The following ADGRE1 variants were observed in gnomAD, a reference collection of about 807,000 sequenced individuals.
ADGRE1 encodes adhesion G protein-coupled receptor E1.
In ADGRE1, 82 loss-of-function variants were observed where a neutral mutation model predicts 102.7. That is an observed-to-expected ratio of 0.80 (90% confidence interval 0.67 to 0.96). ADGRE1 has a LOEUF of 0.96. ADGRE1 is among the 40% of genes least tolerant of loss of function. ADGRE1 has a pLI of 0.00. For synonymous variants in ADGRE1, 398 were observed against 399.6 expected, an observed-to-expected ratio of 1.00 and a Z score of 0.05; for missense variants, 1,032 against 1,085.3, an observed-to-expected ratio of 0.95 and a Z score of 0.69.
At chr19:6,932,411 T>C (rs1381410191) in intron 17 of ADGRE1, among the ~76,000 whole-genome samples, 1 of 152,056 alleles carries the variant, frequency 6.6e-6, no homozygotes, top group Non-Finnish European at 1.5e-5. Context: ...GAGCTTGCAG[T>C]GAGCCGAGAT....
rs1974059848 is a variant in ADGRE1, at chr19:6,908,674, T to TC, written c.1039-15_1039-14insC. The TC allele has an allele frequency of 6.3e-7, 1 of 1,580,732 alleles. No homozygotes were observed. The highest frequency in any genetic ancestry group is 1.4e-5 in the African/African-American group (1 of 72,394). Reference sequence around the variant, plus strand: ...ATGCTCACAAATGCTCTTTTTTTTTTTTTCTGGGACGCAGGTCTCCTTTTG... The same window carrying TC: ...ATGCTCACAAATGCTCTTTTTTTTTTCTTTCTGGGACGCAGGTCTCCTTTTG... On this transcript the variant is annotated splice_polypyrimidine_tract_variant and intron_variant, in intron 9 of 20. Transcript: ENST00000312053.
chr19:6,897,334 C>T, intron 4 of ADGRE1, 30 bp downstream of exon 4: 1 of 1,613,184 alleles, frequency 6.2e-7, no homozygotes, highest in South Asian at 1.1e-5. Flanking sequence ...AGGGATGGGT[C>T]TTGGGTGGAT....
At chr19:6,934,702 AT>A (rs1476574097) in intron 17 of ADGRE1, among the ~76,000 whole-genome samples, 1 of 150,284 alleles carries the variant, frequency 6.7e-6, no homozygotes, top group African/African-American at 2.5e-5. Flanking sequence ...GGTTCAGGTG[AT>A]TCCCCTGCCT....
chr19:6,938,813 T>C (rs941359782), intron 20 of ADGRE1, among the ~76,000 whole-genome samples: 1 of 150,584 alleles, frequency 6.6e-6, no homozygotes, highest in Non-Finnish European at 1.5e-5. Flanking sequence ...TTTTTTTTTT[T>C]GAGATGGAGT....
intron 12 of ADGRE1, 124 bp downstream of exon 12, chr19:6,916,492 A>G (rs1443487521): frequency 1.6e-6 from 2 of 1,277,636 alleles, no homozygotes; most frequent in Admixed American, 5.3e-5. Context: ...GAAATGGTCC[A>G]TGCTCTCAGA....
Position 6,926,472 on chromosome 19 carries a change from A to C in ADGRE1, c.2093A>C (p.Lys698Thr), listed in dbSNP as rs1293699677. The C allele has an allele frequency of 6.2e-7, 1 of 1,614,192 alleles. No homozygotes were observed. Among genetic ancestry groups the C allele is most frequent in the Non-Finnish European group, 8.5e-7 (1 of 1,180,034 alleles). ...CTGTTCTTGATGGTCAGAAACCTGA[A>C]GGTGGTGAATTACTTCAGCTCTCGC... ...VILFLMVRNL[K>T]VVNYFSSRNI... Residue 698 changes from lysine to threonine, a missense_variant, in exon 16 of 21, where the codon AAG becomes ACG. Lys to Thr is a moderately conservative substitution (Grantham distance 78). Coordinates refer to ENST00000312053, the MANE Select transcript of ADGRE1 (RefSeq NM_001974.5).
intron 12 of ADGRE1, among the ~76,000 whole-genome samples, chr19:6,916,639 A>T (rs1396159453): frequency 6.6e-6 from 1 of 152,150 alleles, no homozygotes; most frequent in East Asian, 1.9e-4. Flanking sequence ...AGCCAGGTTG[A>T]GAGGTACTGT....
intron 10 of ADGRE1, among the ~76,000 whole-genome samples, 195 bp downstream of exon 10, chr19:6,908,967 C>A (rs570228570): frequency 1.3e-4 from 20 of 151,928 alleles, no homozygotes; most frequent in African/African-American, 4.8e-4. Flanking sequence ...AACCCTGTCT[C>A]TACTACAAAT....
chr19:6,898,549 A>C (rs1176366281), intron 5 of ADGRE1: 1 of 1,521,336 alleles, frequency 6.6e-7, no homozygotes, highest in Non-Finnish European at 9.1e-7. Context: ...GAGGCACCCA[A>C]TTTCTTATCT....
intron 12 of ADGRE1, among the ~76,000 whole-genome samples, chr19:6,916,720 T>A (rs983257630): frequency 6.6e-6 from 1 of 151,726 alleles, no homozygotes; most frequent in Non-Finnish European, 1.5e-5. Context: ...CTCACTCATC[T>A]TTTTTATATT....
chr19:6,908,221 T>G (rs1360631743), intron 9 of ADGRE1, among the ~76,000 whole-genome samples: 2 of 152,268 alleles, frequency 1.3e-5, no homozygotes, highest in Non-Finnish European at 2.9e-5. Flanking sequence ...GGCCCATCCC[T>G]TCGTTTCCCA....
At chr19:6,925,579 TGTC>T (rs1301094159) in intron 15 of ADGRE1, among the ~76,000 whole-genome samples, 14 of 152,226 alleles carry the variant, frequency 9.2e-5, no homozygotes, top group Admixed American at 3.9e-4. Context: ...CTAAGTATCT[TGTC>T]GTGCCCAAGG....
At chr19:6,893,826 G>A (rs1174876792) in intron 2 of ADGRE1, among the ~76,000 whole-genome samples, 5 of 152,218 alleles carry the variant, frequency 3.3e-5, no homozygotes, top group Admixed American at 1.3e-4. Flanking sequence ...TCAGAAGTCT[G>A]AAATGGGTCC....
intron 16 of ADGRE1, 46 bp downstream of exon 16, chr19:6,926,647 T>G: frequency 6.3e-7 from 1 of 1,583,914 alleles, no homozygotes; most frequent in South Asian, 1.1e-5. Flanking sequence ...TGCCAGGGCT[T>G]ATGGTGATAA....
intron 20 of ADGRE1, among the ~76,000 whole-genome samples, chr19:6,937,944 C>T (rs1249600352): frequency 6.6e-6 from 1 of 151,406 alleles, no homozygotes; most frequent in Non-Finnish European, 1.5e-5. Context: ...AAAAATAATA[C>T]ATATTTATAT....
intron 2 of ADGRE1, chr19:6,895,892 C>T (rs960936113): frequency 2.0e-5 from 3 of 152,552 alleles, no homozygotes; most frequent in African/African-American, 7.2e-5. Flanking sequence ...GTATCCGTTT[C>T]CTAGGGCTGC....
chr19:6,906,571 T>A, intron 9 of ADGRE1, 50 bp downstream of exon 9: 1 of 1,537,606 alleles, frequency 6.5e-7, no homozygotes, highest in Non-Finnish European at 8.9e-7. Context: ...TAGAAGCCAT[T>A]TAGGTAGAAT....
chr19:6,890,427 T>C, intron 1 of ADGRE1, 54 bp from the exon 2 acceptor site: 5 of 1,153,686 alleles, frequency 4.3e-6, no homozygotes, highest in Non-Finnish European at 5.9e-6. Context: ...AAAGGTTTTT[T>C]TTTTTTTTTT....
chr19:6,896,858 T>C (rs980917686), intron 3 of ADGRE1: 1 of 479,530 alleles, frequency 2.1e-6, no homozygotes, highest in African/African-American at 2.0e-5. Context: ...TAAAATTTCA[T>C]GGATGGTTGA....
Sources: allele counts gnomAD v4.1 joint callset (sites outside exome capture counted in the v4.1 genomes callset), GRCh38; gene constraint gnomAD v4.1.1; transcripts MANE v1.5; gene names NCBI Gene and HGNC (gene_info 2026-07-23, HGNC 2026-07-21).